The following PTPRT variants were observed in gnomAD, a reference collection of about 807,000 sequenced individuals.
The protein encoded by PTPRT is protein tyrosine phosphatase receptor type T.
Under a neutral mutation model 176.8 loss-of-function variants are expected in PTPRT, and 56 were observed. The ratio of observed to expected loss-of-function variants is 0.32; its 90% CI spans 0.26 to 0.40. PTPRT has a LOEUF of 0.40. Ranked by LOEUF, PTPRT falls within the 10% of genes least tolerant of loss-of-function variation. PTPRT has a pLI of 1.00. For synonymous variants in PTPRT, 783 were observed against 739.0 expected, an observed-to-expected ratio of 1.06 and a Z score of -0.96; for missense variants, 1,540 against 1,908.2, an observed-to-expected ratio of 0.81 and a Z score of 3.60.
intron 1 of PTPRT, among the ~76,000 whole-genome samples, chr20:42,926,092 C>T (rs536886116): frequency 6.6e-6 from 1 of 152,322 alleles, no homozygotes; most frequent in African/African-American, 2.4e-5. Flanking sequence ...CTCGGGGCTG[C>T]CTCAACAGAC....
chr20:42,772,664 T>C (rs1215040078), intron 4 of PTPRT, among the ~76,000 whole-genome samples: 1 of 152,114 alleles, frequency 6.6e-6, no homozygotes, highest in African/African-American at 2.4e-5. Context: ...ATGCCATCAA[T>C]CAAATCAGTG....
chr20:42,447,015 TCTCAGGACCACCTGTGA>T (rs2145849063), intron 9 of PTPRT, among the ~76,000 whole-genome samples: 1 of 152,302 alleles, frequency 6.6e-6, no homozygotes, highest in South Asian at 2.1e-4. Flanking sequence ...CTCAGAGAGT[TCTCAGGACCACCTGTGA>T]CTCTCTAGAG....
intron 22 of PTPRT, among the ~76,000 whole-genome samples, chr20:42,112,026 T>C (rs1027539458): frequency 6.6e-6 from 1 of 152,114 alleles, no homozygotes; most frequent in Non-Finnish European, 1.5e-5. Flanking sequence ...GGAGAATAGA[T>C]GAGAGCTGGA....
Position 42,164,191 on chromosome 20 carries a change from C to T in PTPRT, c.2492-2649G>A, listed in dbSNP as rs1424296094. Among the ~76,000 whole-genome samples the T allele has an allele frequency of 2.0e-5, 3 of 152,198 alleles. No individual in the cohort carries two copies. The East Asian group carries it at 5.8e-4, about 29-fold the overall frequency. On this transcript the variant is annotated intron_variant, in intron 16 of 30. Transcript: ENST00000373187. ...ACAGTTGTCTTCAGAGACCCACAGT[C>T]TCCCAGAGGAACTTGGGGCATGGGC...
intron 13 of PTPRT, among the ~76,000 whole-genome samples, chr20:42,268,302 A>T (rs1295212985): frequency 6.6e-6 from 1 of 152,236 alleles, no homozygotes; most frequent in East Asian, 1.9e-4. Context: ...AGGAACATTC[A>T]GACGCCTTAG....
chr20:42,837,506 G>T (rs752103449), intron 2 of PTPRT, among the ~76,000 whole-genome samples: 10 of 152,204 alleles, frequency 6.6e-5, no homozygotes, highest in Non-Finnish European at 1.5e-4. Context: ...AAAGTGGAGG[G>T]AAGGACCAAT....
At chr20:42,502,403 CAA>C (rs1491176721) in intron 7 of PTPRT, among the ~76,000 whole-genome samples, 10 of 112,290 alleles carry the variant, frequency 8.9e-5, no homozygotes, top group Admixed American at 1.7e-4. Flanking sequence ...CATATGTATA[CAA>C]ACACACACAC....
chr20:43,067,458 G>A (rs1413756973), intron 1 of PTPRT, among the ~76,000 whole-genome samples: 1 of 152,034 alleles, frequency 6.6e-6, no homozygotes, highest in African/African-American at 2.4e-5. Context: ...CTTTAAGATG[G>A]TTATTTTATA....
chr20:42,735,395 A>C (rs1436355430), intron 6 of PTPRT, among the ~76,000 whole-genome samples: 1 of 150,246 alleles, frequency 6.7e-6, no homozygotes, highest in Non-Finnish European at 1.5e-5. Context: ...TCATGGCAGA[A>C]CCATGACTTA....
chr20:42,763,143 G>A lies in PTPRT; in HGVS notation c.685-6507C>T, dbSNP rs553349012. ...CCACAGAGAGTGCTGTTTTCCTACC[G>A]TCTGATTATCTATCAAGGTTTCTGT... is the stretch of plus-strand genomic sequence containing the variant. On this transcript the variant is annotated intron_variant, in intron 5 of 30. Coordinates refer to ENST00000373187, the MANE Select transcript of PTPRT (RefSeq NM_007050.6). Among the ~76,000 whole-genome samples the A allele has an allele frequency of 5.9e-5, 9 of 152,230 alleles. No homozygotes were observed. In the South Asian group the frequency reaches 6.2e-4, roughly 11 times the overall value.
chr20:42,087,918 T>G (rs1984173294), intron 27 of PTPRT, among the ~76,000 whole-genome samples: 1 of 148,722 alleles, frequency 6.7e-6, no homozygotes, highest in Non-Finnish European at 1.5e-5. Context: ...AAGAGATGGA[T>G]ATCTTGTTTC....
At chr20:42,961,779 C>A (rs1336606324) in intron 1 of PTPRT, among the ~76,000 whole-genome samples, 1 of 152,242 alleles carries the variant, frequency 6.6e-6, no homozygotes, top group African/African-American at 2.4e-5. Context: ...AGGGACTCTG[C>A]AGATGTAATG....
intron 7 of PTPRT, among the ~76,000 whole-genome samples, chr20:42,514,667 G>C (rs2072028098): frequency 6.6e-6 from 1 of 152,092 alleles, no homozygotes; most frequent in South Asian, 2.1e-4. Context: ...CAGTCAAAAA[G>C]TATTCTGTCT....
intron 1 of PTPRT, among the ~76,000 whole-genome samples, chr20:43,068,286 C>T (rs1480814733): frequency 2.7e-5 from 4 of 149,798 alleles, no homozygotes; most frequent in South Asian, 2.1e-4. Flanking sequence ...AGGCGGATCA[C>T]GAGGTCAGGA....
chr20:42,998,239 A>G (rs1182372842), intron 1 of PTPRT, among the ~76,000 whole-genome samples: 2 of 152,222 alleles, frequency 1.3e-5, no homozygotes, highest in East Asian at 3.9e-4. Context: ...TCAGAGAAAA[A>G]CAATTCTAGC....
At chr20:42,685,898 A>T (rs2146097807) in intron 6 of PTPRT, 1 of 152,188 alleles carries the variant, frequency 6.6e-6, no homozygotes, top group African/African-American at 2.4e-5. Context: ...CTCTGCTCTC[A>T]ATCACTAGGA....
intron 6 of PTPRT, among the ~76,000 whole-genome samples, chr20:42,680,522 C>T (rs2075585389): frequency 6.6e-6 from 1 of 152,140 alleles, no homozygotes; most frequent in African/African-American, 2.4e-5. Flanking sequence ...ATCAACTCTC[C>T]AGAGCTCCCA....
intron 2 of PTPRT, among the ~76,000 whole-genome samples, chr20:42,822,982 T>C (rs1453359621): frequency 6.6e-6 from 1 of 152,178 alleles, no homozygotes; most frequent in African/African-American, 2.4e-5. Context: ...AGTATGGCAA[T>C]TCCTCAAGGA....
At chr20:42,496,141 C>T (rs1009878031) in intron 7 of PTPRT, among the ~76,000 whole-genome samples, 3 of 152,136 alleles carry the variant, frequency 2.0e-5, no homozygotes, top group Admixed American at 6.6e-5. Context: ...TCTTCATTTT[C>T]ATTGTCTTCC....
Sources: allele counts gnomAD v4.1 joint callset (sites outside exome capture counted in the v4.1 genomes callset), GRCh38; gene constraint gnomAD v4.1.1; transcripts MANE v1.5; gene names NCBI Gene and HGNC (gene_info 2026-07-23, HGNC 2026-07-21).